The following ZNF704 variants were observed in gnomAD, a reference collection of about 807,000 sequenced individuals.
ZNF704 encodes the protein glucocorticoid induced gene 1.
A neutral mutation model predicts 44.7 loss-of-function variants in ZNF704; 10 were observed. The observed-to-expected ratio is 0.22, with a 90% CI of 0.14 to 0.38. The LOEUF is 0.38. Among genes scored for constraint, ZNF704 ranks in the 10% least tolerant of loss-of-function variants. ZNF704 has a pLI of 1.00. For synonymous variants in ZNF704, 211 were observed against 207.6 expected, an observed-to-expected ratio of 1.02 and a Z score of -0.14; for missense variants, 390 against 545.5, an observed-to-expected ratio of 0.71 and a Z score of 2.84.
rs557647203 is a variant in ZNF704, at chr8:80,674,567, A to G, written c.559-3964T>C. On this transcript the variant is annotated intron_variant, in intron 4 of 8. Coordinates refer to ENST00000327835, the MANE Select transcript of ZNF704 (RefSeq NM_001033723.3). ...CTTTACAACAACCCACTCTCCAGGG[A>G]ACTAATCCATTCTCTCAAAAACCAA... 8.7e-4 allele frequency among the ~76,000 whole-genome samples: 133 copies of G among 152,196 alleles called. 1 individual carries two copies. The highest frequency in any genetic ancestry group is 3.1e-3 in the African/African-American group (128 of 41,510).
intron 1 of ZNF704, among the ~76,000 whole-genome samples, chr8:80,822,889 G>A (rs925719016): frequency 7.2e-5 from 11 of 152,142 alleles, no homozygotes; most frequent in Non-Finnish European, 1.5e-4. Context: ...CTTTTTGATG[G>A]GGTTGTTTGA....
chr8:80,777,790 A>T (rs1201094535), intron 2 of ZNF704, among the ~76,000 whole-genome samples: 2 of 151,966 alleles, frequency 1.3e-5, no homozygotes, highest in African/African-American at 4.8e-5. Flanking sequence ...GAGGCAGGAG[A>T]ATTGCTTGAA....
intron 1 of ZNF704, among the ~76,000 whole-genome samples, chr8:80,827,373 A>G (rs1808396109): frequency 6.6e-6 from 1 of 152,216 alleles, no homozygotes; most frequent in Non-Finnish European, 1.5e-5. Flanking sequence ...AGGGATGTGA[A>G]GGACCTCTTC....
At chr8:80,717,921 T>C (rs1164230501) in intron 2 of ZNF704, among the ~76,000 whole-genome samples, 1 of 152,190 alleles carries the variant, frequency 6.6e-6, no homozygotes, top group East Asian at 1.9e-4. Flanking sequence ...CTCTCTCACA[T>C]ATTTACAGAG....
chr8:80,745,959 T>C (rs1238067825), intron 2 of ZNF704, among the ~76,000 whole-genome samples: 1 of 152,226 alleles, frequency 6.6e-6, no homozygotes, highest in Admixed American at 6.5e-5. Context: ...CAAGGGAAAG[T>C]AGATTTAATT....
At chr8:80,680,503 G>A (rs1184939812) in intron 4 of ZNF704, among the ~76,000 whole-genome samples, 1 of 152,006 alleles carries the variant, frequency 6.6e-6, no homozygotes. Flanking sequence ...CTGTGCAGGT[G>A]AGTTGGCTGC....
At chr8:80,696,056 TA>T (rs1332183688) in intron 2 of ZNF704, among the ~76,000 whole-genome samples, 1 of 152,232 alleles carries the variant, frequency 6.6e-6, no homozygotes, top group Non-Finnish European at 1.5e-5. Flanking sequence ...CACTACTATC[TA>T]ATTACTGATT....
intron 1 of ZNF704, among the ~76,000 whole-genome samples, chr8:80,856,930 A>C (rs375845052): frequency 3.3e-5 from 5 of 152,324 alleles, no homozygotes; most frequent in African/African-American, 7.2e-5. Flanking sequence ...TGAATCTTTT[A>C]ATCAATTTCT....
chr8:80,744,579 A>T (rs1413137262), intron 2 of ZNF704, among the ~76,000 whole-genome samples: 1 of 152,218 alleles, frequency 6.6e-6, no homozygotes, highest in Non-Finnish European at 1.5e-5. Flanking sequence ...ATCCCTGCTA[A>T]GTTTGTCATA....
At chr8:80,737,236 G>A (rs1236721818) in intron 2 of ZNF704, among the ~76,000 whole-genome samples, 2 of 152,200 alleles carry the variant, frequency 1.3e-5, no homozygotes, top group East Asian at 1.9e-4. Flanking sequence ...AGGAATTTGG[G>A]AGCCACTTGG....
At chr8:80,843,858 C>T (rs1018606002) in intron 1 of ZNF704, among the ~76,000 whole-genome samples, 12 of 151,762 alleles carry the variant, frequency 7.9e-5, no homozygotes, top group African/African-American at 2.2e-4. Flanking sequence ...AAAGAGCATT[C>T]GCTTGAAAAG....
At position 80,637,520 on chromosome 8, in the gene ZNF704, G is replaced by GA. The variant is rs907340523; in HGVS notation, c.*3845dup. 5 of 152,178 alleles carry GA rather than the reference G, an allele frequency of 3.3e-5. No individual in the cohort carries two copies. Among genetic ancestry groups the GA allele is most frequent in the African/African-American group, 4.8e-5 (2 of 41,442 alleles). The allele number at this position is 152,178 out of a possible 1,614,324, so 9.4% of individuals were successfully genotyped here. ...AAAAGTGTGTCTTAGTGTGACACCAGAAACAGCAGACTTAAAACTCGAGTG... is the reference window on the plus strand; with the variant it reads ...AAAAGTGTGTCTTAGTGTGACACCAGAAAACAGCAGACTTAAAACTCGAGTG... On this transcript the variant is annotated 3_prime_UTR_variant, in exon 9 of 9. Coordinates refer to ENST00000327835, the MANE Select transcript of ZNF704 (RefSeq NM_001033723.3).
chr8:80,654,264 C>T (rs1489130750), intron 7 of ZNF704, among the ~76,000 whole-genome samples: 1 of 152,164 alleles, frequency 6.6e-6, no homozygotes, highest in African/African-American at 2.4e-5. Context: ...CAGTACCATT[C>T]AGGACATAGG....
intron 2 of ZNF704, among the ~76,000 whole-genome samples, chr8:80,704,358 G>T (rs1357987297): frequency 1.3e-5 from 2 of 152,210 alleles, no homozygotes; most frequent in Middle Eastern, 3.2e-3. Context: ...CCCTCTGTGT[G>T]CATGTTGAGT....
intron 2 of ZNF704, among the ~76,000 whole-genome samples, chr8:80,796,901 AGAAAGG>A (rs71266092): frequency 0.11 from 14,970 of 142,204 alleles, 1,015 homozygotes; most frequent in East Asian, 0.23. Context: ...AAAGGGAAAG[AGAAAGG>A]GAAAGGGAAA....
At chr8:80,863,724 C>G (rs1402918257) in intron 1 of ZNF704, among the ~76,000 whole-genome samples, 1 of 152,162 alleles carries the variant, frequency 6.6e-6, no homozygotes, top group Non-Finnish European at 1.5e-5. Flanking sequence ...AGTTATTATA[C>G]ATGGTATCAA....
intron 2 of ZNF704, among the ~76,000 whole-genome samples, chr8:80,755,858 C>A (rs989467027): frequency 1.2e-4 from 19 of 152,220 alleles, no homozygotes; most frequent in African/African-American, 4.3e-4. Flanking sequence ...GTAATTCCAG[C>A]ACTTTGGGAG....
At chr8:80,729,883 G>A (rs1053534045) in intron 2 of ZNF704, among the ~76,000 whole-genome samples, 17 of 152,124 alleles carry the variant, frequency 1.1e-4, no homozygotes, top group African/African-American at 2.7e-4. Flanking sequence ...GATTACTGCC[G>A]GAACCCCCCT....
intron 2 of ZNF704, 35 bp downstream of exon 2, chr8:80,821,339 G>A (rs757708045): frequency 6.3e-7 from 1 of 1,597,160 alleles, no homozygotes; most frequent in Non-Finnish European, 8.6e-7. Context: ...CCAACTTCCT[G>A]GGGCAGACAC....
Sources: allele counts gnomAD v4.1 joint callset (sites outside exome capture counted in the v4.1 genomes callset), GRCh38; gene constraint gnomAD v4.1.1; transcripts MANE v1.5; gene names NCBI Gene and HGNC (gene_info 2026-07-23, HGNC 2026-07-21).